MCF2L: variants seen among roughly 807,000 people sequenced by gnomAD.
The protein encoded by MCF2L is MCF.2 cell line derived transforming sequence like.
MCF2L carries 97 observed loss-of-function variants against 153.4 expected under a neutral mutation model. The ratio of observed to expected loss-of-function variants is 0.63; its 90% CI spans 0.54 to 0.75. The LOEUF (loss-of-function observed/expected upper bound fraction) is 0.75. Ranked by LOEUF, MCF2L falls within the 30% of genes least tolerant of loss-of-function variation. MCF2L has a pLI of 0.00. For missense variants in MCF2L, 1,347 were observed against 1,495.2 expected, an observed-to-expected ratio of 0.90 and a Z score of 1.64; for synonymous variants, 659 against 632.2, an observed-to-expected ratio of 1.04 and a Z score of -0.64.
intron 4 of MCF2L, among the ~76,000 whole-genome samples, chr13:113,056,893 TTGGGTGCTGAG>T (rs2029994249): frequency 3.7e-5 from 4 of 107,498 alleles, no homozygotes; most frequent in African/African-American, 1.3e-4. Flanking sequence ...TGCTGTGTGT[TTGGGTGCTGAG>T]TGGGTGCTGA....
At chr13:113,012,617 G>A (rs1437854256) in intron 1 of MCF2L, among the ~76,000 whole-genome samples, 9 of 103,452 alleles carry the variant, frequency 8.7e-5, no homozygotes, top group Non-Finnish European at 1.7e-4. Flanking sequence ...TGATGCGGAC[G>A]GTGGACAGGC....
At chr13:113,088,280 T>C (rs771730103) in intron 23 of MCF2L, 47 bp from the exon 24 acceptor site, 9 of 1,484,372 alleles carry the variant, frequency 6.1e-6, no homozygotes, top group African/African-American at 1.4e-5. Context: ...GCGTGTTTCC[T>C]CGGGGGCCTG....
At chr13:112,972,271 G>A (rs2082061520) in intron 1 of MCF2L, among the ~76,000 whole-genome samples, 1 of 151,094 alleles carries the variant, frequency 6.6e-6, no homozygotes, top group Non-Finnish European at 1.5e-5. Flanking sequence ...ATGGGTGGGT[G>A]GATGAATGTA....
At position 113,027,134 on chromosome 13, in the gene MCF2L, C is replaced by T. The variant is rs905620820; in HGVS notation, c.278+2376C>T. On this transcript the variant is annotated intron_variant, in intron 3 of 29. Coordinates refer to ENST00000535094, the MANE Select transcript of MCF2L (RefSeq NM_001112732.3). This position sits in a 1 kb window ranked among gnomAD's most constrained non-coding sequence, Gnocchi z 4.8. ...CACAGAGGAGATGTTTAACCATCAG[C>T]GTGAAAGTGCAGCCGTGGCCATTAC... The T allele has an allele frequency of 7.1e-6, 5 of 701,966 alleles. No individual in the cohort carries two copies. Among genetic ancestry groups the T allele is most frequent in the African/African-American group, 3.5e-5 (2 of 57,356 alleles). 43.5% of individuals were successfully genotyped at this position (701,966 alleles called of 1,614,324 possible).
intron 1 of MCF2L, chr13:112,979,859 C>G (rs2082343765): frequency 9.0e-7 from 1 of 1,107,240 alleles, no homozygotes; most frequent in Admixed American, 2.7e-5. Flanking sequence ...TTTCTCTCAC[C>G]ACTTGACCAG....
At chr13:112,992,034 T>C (rs2082915560) in intron 1 of MCF2L, among the ~76,000 whole-genome samples, 1 of 152,224 alleles carries the variant, frequency 6.6e-6, no homozygotes, top group African/African-American at 2.4e-5. Context: ...CCTGAAACTT[T>C]TGAGCTCTGA....
chr13:113,004,532 C>T (rs1017872427), intron 1 of MCF2L, among the ~76,000 whole-genome samples: 1 of 152,214 alleles, frequency 6.6e-6, no homozygotes, highest in Non-Finnish European at 1.5e-5. Context: ...TGGGTCTGCT[C>T]ACCTGGTGGG....
chr13:113,039,887 A>C (rs1487339234), intron 3 of MCF2L, among the ~76,000 whole-genome samples: 1 of 152,242 alleles, frequency 6.6e-6, no homozygotes, highest in Non-Finnish European at 1.5e-5. Flanking sequence ...GCAATTCCTA[A>C]GAATATGTCC....
intron 27 of MCF2L, 100 bp downstream of exon 27, chr13:113,094,735 GC>G: frequency 7.1e-7 from 1 of 1,413,438 alleles, no homozygotes; most frequent in Non-Finnish European, 9.6e-7. Flanking sequence ...TTAGGACACA[GC>G]CCCAGCTCCT....
intron 2 of MCF2L, among the ~76,000 whole-genome samples, chr13:113,024,307 G>A (rs1410707541): frequency 2.0e-5 from 3 of 152,184 alleles, no homozygotes; most frequent in African/African-American, 7.2e-5. Flanking sequence ...TGTCAGGAAG[G>A]AGGCAGGAGA....
rs986583462 is a variant in MCF2L at position 113,085,252 on chromosome 13, C to T, written c.2247+74C>T. The T allele has an allele frequency of 5.6e-5, 74 of 1,320,164 alleles. No homozygotes were observed. In the Middle Eastern group the frequency reaches 1.2e-3, roughly 22 times the overall value. 81.8% of individuals were successfully genotyped at this position (1,320,164 alleles called of 1,614,324 possible). ...AGGTGTCTGTGCCGCCCTGGGGCCC[C>T]GTCCCCATCGCGCCCTGCCCCTCCC... is the stretch of plus-strand genomic sequence containing the variant. On this transcript the variant is annotated intron_variant, in intron 20 of 29. Coordinates refer to ENST00000535094, the MANE Select transcript of MCF2L (RefSeq NM_001112732.3).
intron 26 of MCF2L, chr13:113,090,748 G>T: frequency 1.0e-6 from 1 of 985,500 alleles, no homozygotes; most frequent in Non-Finnish European, 1.2e-6. Flanking sequence ...TCTTTCCAGA[G>T]AAGTAGGAGT....
chr13:113,058,672 GTGTT>G (rs1177716019), intron 4 of MCF2L, among the ~76,000 whole-genome samples: 12 of 149,820 alleles, frequency 8.0e-5, no homozygotes, highest in African/African-American at 2.5e-4. Context: ...TGGGCGCTGT[GTGTT>G]TGGGCGCTGA....
intron 18 of MCF2L, 39 bp downstream of exon 18, chr13:113,084,106 TA>T: frequency 1.3e-6 from 2 of 1,482,684 alleles, no homozygotes; most frequent in Non-Finnish European, 1.9e-6. Context: ...CACAACTTCT[TA>T]AAAGTACTGA....
At chr13:113,047,226 C>T (rs1452467356) in intron 4 of MCF2L, 1 of 152,270 alleles carries the variant, frequency 6.6e-6, no homozygotes, top group African/African-American at 2.4e-5. Flanking sequence ...CCAGGCCCCA[C>T]CTCAGCACTG....
intron 11 of MCF2L, among the ~76,000 whole-genome samples, 152 bp from the exon 12 acceptor site, chr13:113,075,786 TTGGGATTGGCCTTGTCCAGCACTGTGTC>T (rs1212244867): frequency 4.6e-5 from 7 of 151,910 alleles, no homozygotes; most frequent in Non-Finnish European, 1.0e-4. Context: ...CTGTGTCCCC[TTGGGATTGGCCTTGTCCAGCACTGTGTC>T]CCCTTGGGGT....
chr13:113,074,453 A>G lies in MCF2L; in HGVS notation c.1006A>G (p.Ile336Val). 1.2e-6 allele frequency: 2 copies of G among 1,613,642 alleles called. No homozygotes were observed. The highest frequency in any genetic ancestry group is 1.7e-6 in the Non-Finnish European group (2 of 1,179,704). The change falls in exon 10 of 30, where the codon ATC (isoleucine) becomes GTC (valine). Residue 336 changes from isoleucine to valine, a missense_variant. Transcript: ENST00000535094. The surrounding 1 kb of genome is among the most constrained non-coding windows in gnomAD (Gnocchi z 4.2). Reference protein sequence around the residue: ...FEQGFREVKAILDAASQKIAT... With the variant: ...FEQGFREVKAVLDAASQKIAT... ...CCCTCCTCTGTTCCAGGTCAAAGCC[A>G]TCTTGGACGCAGCGTCCCAGAAGAT... is the stretch of plus-strand genomic sequence containing the variant.
chr13:113,014,751 C>A lies in MCF2L; in HGVS notation c.80-12C>A. 3 of 1,613,148 alleles carry A rather than the reference C, an allele frequency of 1.9e-6. No homozygotes were observed. In the South Asian group the frequency reaches 3.3e-5, roughly 18 times the overall value. On this transcript the variant is annotated splice_polypyrimidine_tract_variant and intron_variant, in intron 1 of 29. Coordinates refer to ENST00000535094, the MANE Select transcript of MCF2L (RefSeq NM_001112732.3). ...CTGGGACTGACACGTGCCGTCTGCT[C>A]TTTCCGTGCAGATGAAATCATGCAC...
intron 2 of MCF2L, among the ~76,000 whole-genome samples, chr13:112,926,224 G>A (rs1450912861): frequency 1.3e-5 from 2 of 152,112 alleles, no homozygotes; most frequent in African/African-American, 2.4e-5. Context: ...GTGGAGTACT[G>A]TACGGCCTAA....
Sources: allele counts gnomAD v4.1 joint callset (sites outside exome capture counted in the v4.1 genomes callset), GRCh38; gene constraint gnomAD v4.1.1; non-coding constraint Gnocchi (gnomAD v3.1); transcripts MANE v1.5; gene names NCBI Gene and HGNC (gene_info 2026-07-23, HGNC 2026-07-21).